The following ERBB4 variants were observed in gnomAD, a reference collection of about 807,000 sequenced individuals.
ERBB4 encodes the protein erb-b2 receptor tyrosine kinase 4, also known as receptor tyrosine-protein kinase erbB-4.
A neutral mutation model predicts 158.0 loss-of-function variants in ERBB4; 42 were observed. That is an observed-to-expected ratio of 0.27 (90% CI 0.21 to 0.34). The LOEUF is 0.34. Among genes scored for constraint, ERBB4 ranks in the 10% least tolerant of loss-of-function variants. The pLI is 1.00. For synonymous variants in ERBB4, 583 were observed against 558.7 expected (o/e 1.04, Z -0.61); for missense variants, 1,333 against 1,624.1 (o/e 0.82, Z 3.08).
intron 1 of ERBB4, among the ~76,000 whole-genome samples, chr2:212,192,314 A>T (rs950238740): frequency 6.6e-6 from 1 of 151,392 alleles, no homozygotes; most frequent in East Asian, 1.9e-4. Context: ...TTCAAAATTG[A>T]AATAGAACTT....
chr2:211,598,398 T>A (rs2068700349), intron 19 of ERBB4, among the ~76,000 whole-genome samples: 1 of 152,152 alleles, frequency 6.6e-6, no homozygotes, highest in African/African-American at 2.4e-5. Flanking sequence ...AGAGGAAAGT[T>A]GCAGATAACT....
At chr2:211,679,431 A>G (rs1023974104) in intron 12 of ERBB4, among the ~76,000 whole-genome samples, 1 of 152,216 alleles carries the variant, frequency 6.6e-6, no homozygotes, top group African/African-American at 2.4e-5. Context: ...AATTGCCTAT[A>G]TAAAAACTAT....
At chr2:212,523,623 T>C (rs1027064092) in intron 1 of ERBB4, among the ~76,000 whole-genome samples, 1 of 151,966 alleles carries the variant, frequency 6.6e-6, no homozygotes, top group Admixed American at 6.6e-5. Flanking sequence ...GGTAGGATGA[T>C]GAGGAGCAGA....
intron 1 of ERBB4, among the ~76,000 whole-genome samples, chr2:212,455,410 T>C (rs899827410): frequency 3.6e-5 from 5 of 138,558 alleles, no homozygotes; most frequent in African/African-American, 9.9e-5. Context: ...AGTTAGCCAG[T>C]AGAACTTTCT....
intron 1 of ERBB4, among the ~76,000 whole-genome samples, chr2:212,330,785 T>A (rs2088102205): frequency 6.6e-6 from 1 of 151,678 alleles, no homozygotes; most frequent in South Asian, 2.1e-4. Flanking sequence ...TTTCAAACCT[T>A]ATGTTTTAGA....
At position 212,159,320 on chromosome 2, in the gene ERBB4, T is replaced by TAATTCC. The variant is rs534045694; in HGVS notation, c.83-34423_83-34418dup. On this transcript the variant is annotated intron_variant, in intron 1 of 27. Transcript: ENST00000342788. ...AGCTAATACAGACCAGAATCATATA[T>TAATTCC]AATTCCGTGACTTTGTTATCTTTCA... Among the ~76,000 whole-genome samples the TAATTCC allele has an allele frequency of 1.1e-4, 17 of 151,348 alleles. No individual in the cohort carries two copies. In the East Asian group the frequency reaches 3.1e-3, roughly 28 times the overall value.
intron 1 of ERBB4, among the ~76,000 whole-genome samples, chr2:212,368,054 C>T (rs555790758): frequency 6.6e-6 from 1 of 152,228 alleles, no homozygotes; most frequent in East Asian, 1.9e-4. Context: ...GTAGAACTAC[C>T]ATTTGATCCA....
At chr2:211,800,431 T>C (rs2076473246) in intron 3 of ERBB4, among the ~76,000 whole-genome samples, 1 of 152,134 alleles carries the variant, frequency 6.6e-6, no homozygotes, top group African/African-American at 2.4e-5. Flanking sequence ...TTTTAGTCTG[T>C]GCTCTCCCCA....
intron 14 of ERBB4, among the ~76,000 whole-genome samples, chr2:211,668,845 G>A (rs911447097): frequency 1.3e-5 from 2 of 152,118 alleles, no homozygotes; most frequent in African/African-American, 4.8e-5. Flanking sequence ...AGAAGTGGAA[G>A]TGCCATAAAT....
intron 1 of ERBB4, among the ~76,000 whole-genome samples, chr2:212,256,227 T>TA (rs1559859648): frequency 1.3e-5 from 2 of 152,154 alleles, no homozygotes; most frequent in African/African-American, 4.8e-5. Context: ...ACAAGCACTT[T>TA]AATAACATAG....
chr2:212,430,155 A>G (rs908658079), intron 1 of ERBB4, among the ~76,000 whole-genome samples: 1 of 152,204 alleles, frequency 6.6e-6, no homozygotes, highest in Non-Finnish European at 1.5e-5. Context: ...CTTGGCTTTG[A>G]ATATTAATTG....
At chr2:212,352,864 G>A (rs1370958247) in intron 1 of ERBB4, among the ~76,000 whole-genome samples, 2 of 151,766 alleles carry the variant, frequency 1.3e-5, no homozygotes, top group African/African-American at 4.8e-5. Flanking sequence ...GCAAAACTCT[G>A]TCTCAAAAAA....
chr2:211,503,938 G>GCT, intron 20 of ERBB4, among the ~76,000 whole-genome samples: 1 of 152,086 alleles, frequency 6.6e-6, no homozygotes, highest in East Asian at 1.9e-4. Flanking sequence ...AGAGTCCCAT[G>GCT]CTCTGCCCAT....
chr2:212,290,988 C>T (rs2055869604), intron 1 of ERBB4, among the ~76,000 whole-genome samples: 1 of 152,042 alleles, frequency 6.6e-6, no homozygotes, highest in Non-Finnish European at 1.5e-5. Flanking sequence ...CACAAGACCC[C>T]AGAGACAAGG....
intron 2 of ERBB4, among the ~76,000 whole-genome samples, chr2:211,974,743 C>A (rs1474582377): frequency 6.6e-6 from 1 of 152,080 alleles, no homozygotes; most frequent in African/African-American, 2.4e-5. Flanking sequence ...ACATGGGTGA[C>A]AAAGTGAAAC....
intron 3 of ERBB4, among the ~76,000 whole-genome samples, chr2:211,831,541 T>C (rs2077219887): frequency 6.6e-6 from 1 of 152,182 alleles, no homozygotes; most frequent in South Asian, 2.1e-4. Flanking sequence ...GAAAAAAGAC[T>C]AAGAAAAATC....
At chr2:211,609,490 A>C (rs2069111613) in intron 19 of ERBB4, among the ~76,000 whole-genome samples, 1 of 152,194 alleles carries the variant, frequency 6.6e-6, no homozygotes, top group African/African-American at 2.4e-5. Context: ...ATAAGAATGG[A>C]CAATTTTCCC....
At chr2:212,426,647 T>G (rs2091919629) in intron 1 of ERBB4, among the ~76,000 whole-genome samples, 1 of 152,102 alleles carries the variant, frequency 6.6e-6, no homozygotes, top group African/African-American at 2.4e-5. Flanking sequence ...TATATTAAAC[T>G]TTAGTGCTTC....
intron 3 of ERBB4, among the ~76,000 whole-genome samples, chr2:211,920,276 T>C (rs1195653717): frequency 6.6e-6 from 1 of 152,030 alleles, no homozygotes; most frequent in African/African-American, 2.4e-5. Context: ...AATTCTTACC[T>C]TGTACTACAG....
Sources: allele counts gnomAD v4.1 joint callset (sites outside exome capture counted in the v4.1 genomes callset), GRCh38; gene constraint gnomAD v4.1.1; transcripts MANE v1.5; gene names NCBI Gene and HGNC (gene_info 2026-07-23, HGNC 2026-07-21).